Variants in ZMYND11 observed in about 807,000 individuals in gnomAD.
ZMYND11 encodes zinc finger MYND-type containing 11, also known as zinc finger MYND domain-containing protein 11.
ZMYND11 carries 9 observed loss-of-function variants against 84.9 expected under a neutral mutation model. That is an observed-to-expected ratio of 0.11 (90% CI 0.06 to 0.18). The LOEUF is 0.18. ZMYND11 is among the 10% of genes least tolerant of loss of function. The pLI, the probability that ZMYND11 is intolerant of heterozygous loss-of-function variation, is 1.00. For missense variants in ZMYND11, 409 were observed against 761.0 expected, an observed-to-expected ratio of 0.54 and a Z score of 5.44; for synonymous variants, 250 against 244.1, an observed-to-expected ratio of 1.02 and a Z score of -0.23.
intron 2 of ZMYND11, among the ~76,000 whole-genome samples, chr10:193,964 C>T (rs1941102757): frequency 6.6e-6 from 1 of 152,004 alleles, no homozygotes; most frequent in Non-Finnish European, 1.5e-5. Flanking sequence ...ATTCATTAAT[C>T]TACTGGAGGG....
At chr10:185,828 A>AC (rs1457729930) in intron 2 of ZMYND11, among the ~76,000 whole-genome samples, 1 of 149,100 alleles carries the variant, frequency 6.7e-6, no homozygotes, top group African/African-American at 2.5e-5. Context: ...AAACAAAAAA[A>AC]CAAAAAAACA....
Position 248,582 on chromosome 10 carries a change from C to T in ZMYND11, c.1474C>T (p.Arg492Cys), listed in dbSNP as rs764387198. Residue 492 changes from arginine (R) to cysteine (C), a missense_variant, in exon 13 of 15, where the codon CGT becomes TGT. By Grantham distance (180) the Arg-to-Cys change is radical. Transcript: ENST00000381604. ...GTCGGACCACAAGCGGGAGACAGAG[C>T]GTGTTGTCCGAGAAGCTCTGGAGAA... is the stretch of plus-strand genomic sequence containing the variant. ...MKSDHKRETE[R>C]VVREALEKLR... is the part of the protein sequence containing the mutation. 1.4e-5 allele frequency: 23 copies of T among 1,610,782 alleles called. No individual in the cohort carries two copies. In the Admixed American group the frequency reaches 3.0e-4, roughly 21 times the overall value.
chr10:238,558 G>A (rs908245676), intron 6 of ZMYND11, among the ~76,000 whole-genome samples: 8 of 151,900 alleles, frequency 5.3e-5, no homozygotes, highest in African/African-American at 1.5e-4. Flanking sequence ...GGGTTTCACC[G>A]TTTTAGCCAG....
intron 14 of ZMYND11, chr10:249,545 T>G (rs1952902889): frequency 1.0e-6 from 1 of 984,910 alleles, no homozygotes; most frequent in Non-Finnish European, 1.2e-6. Context: ...TACTTTTACT[T>G]TATAGTAGTG....
At chr10:172,267 TAAAC>T (rs1460954601) in intron 1 of ZMYND11, among the ~76,000 whole-genome samples, 2 of 151,970 alleles carry the variant, frequency 1.3e-5, no homozygotes, top group African/African-American at 4.8e-5. Context: ...AATAAGATAA[TAAAC>T]AGAAATAAGA....
intron 3 of ZMYND11, among the ~76,000 whole-genome samples, chr10:217,772 C>G (rs527767183): frequency 6.6e-6 from 1 of 152,242 alleles, no homozygotes; most frequent in African/African-American, 2.4e-5. Context: ...TGCGTACTAT[C>G]ATTTTGTTCA....
intron 1 of ZMYND11, among the ~76,000 whole-genome samples, chr10:153,880 C>T (rs543822179): frequency 1.3e-5 from 2 of 152,326 alleles, no homozygotes; most frequent in Admixed American, 6.5e-5. Flanking sequence ...ATTTCTTTTG[C>T]AGCCTCCTGA....
intron 8 of ZMYND11, 91 bp downstream of exon 8, chr10:240,202 ATTT>A (rs1950638222): frequency 8.5e-7 from 1 of 1,170,096 alleles, no homozygotes; most frequent in Non-Finnish European, 1.2e-6. Context: ...TAGTTGTGCC[ATTT>A]CCTTTAAATG....
intron 2 of ZMYND11, among the ~76,000 whole-genome samples, chr10:184,922 T>G (rs1416646316): frequency 6.6e-6 from 1 of 152,220 alleles, no homozygotes; most frequent in Non-Finnish European, 1.5e-5. Flanking sequence ...GAATCACCTT[T>G]TCTTATACTT....
chr10:211,308 AGATT>A (rs1288780264), intron 3 of ZMYND11, among the ~76,000 whole-genome samples: 1 of 152,110 alleles, frequency 6.6e-6, no homozygotes, highest in East Asian at 1.9e-4. Context: ...CTCTTTCTAT[AGATT>A]GAGTTTGTGA....
At chr10:225,608 A>AAAGTGCTGGGATT (rs1319038190) in intron 4 of ZMYND11, among the ~76,000 whole-genome samples, 1 of 152,172 alleles carries the variant, frequency 6.6e-6, no homozygotes, top group Non-Finnish European at 1.5e-5. Flanking sequence ...TTGGCCTCCC[A>AAAGTGCTGGGATT]AAGTGCTGGG....
chr10:239,055 C>T (rs1166779138), intron 6 of ZMYND11, among the ~76,000 whole-genome samples: 1 of 152,218 alleles, frequency 6.6e-6, no homozygotes, highest in African/African-American at 2.4e-5. Context: ...TCTCGATCCT[C>T]CTGTGTTGTA....
intron 1 of ZMYND11, among the ~76,000 whole-genome samples, chr10:152,416 C>T (rs1012328449): frequency 6.6e-5 from 10 of 152,118 alleles, no homozygotes; most frequent in Admixed American, 4.6e-4. Flanking sequence ...GGTTGCAATC[C>T]TAGTCTCTGA....
chr10:137,718 A>G (rs1239321625), intron 1 of ZMYND11, among the ~76,000 whole-genome samples: 2 of 152,172 alleles, frequency 1.3e-5, no homozygotes, highest in Non-Finnish European at 2.9e-5. Flanking sequence ...CTGTAGAGGC[A>G]TTTAATTTGC....
At chr10:166,199 T>G (rs987295054) in intron 1 of ZMYND11, among the ~76,000 whole-genome samples, 3 of 152,190 alleles carry the variant, frequency 2.0e-5, no homozygotes, top group African/African-American at 7.2e-5. Flanking sequence ...AATGGATTCT[T>G]AGGTATGATA....
intron 4 of ZMYND11, among the ~76,000 whole-genome samples, chr10:226,344 AG>A (rs1948128875): frequency 6.6e-6 from 1 of 152,186 alleles, no homozygotes; most frequent in Non-Finnish European, 1.5e-5. Context: ...TCAGCAGAAT[AG>A]CTTTTTAAAA....
chr10:239,908 AATTTT>A (rs1950591062), intron 7 of ZMYND11, 143 bp from the exon 8 acceptor site: 1 of 606,528 alleles, frequency 1.6e-6, no homozygotes, highest in Non-Finnish European at 2.8e-6. Flanking sequence ...CTGCCTGTGT[AATTTT>A]ATTTTGCTAT....
intron 2 of ZMYND11, among the ~76,000 whole-genome samples, chr10:191,753 C>T (rs923859220): frequency 2.0e-5 from 3 of 152,178 alleles, no homozygotes; most frequent in South Asian, 4.1e-4. Context: ...TACCCGAATT[C>T]AAATCAGATA....
intron 2 of ZMYND11, among the ~76,000 whole-genome samples, chr10:197,039 G>A (rs1205512662): frequency 6.7e-6 from 1 of 149,862 alleles, no homozygotes; most frequent in Non-Finnish European, 1.5e-5. Context: ...TTTAGTTCAC[G>A]TGTGTGCCCA....
Sources: gnomAD v4.1 joint callset for allele counts (sites outside exome capture counted in the v4.1 genomes callset) on GRCh38, gnomAD v4.1.1 for gene constraint, MANE v1.5 for transcripts, NCBI Gene and HGNC (gene_info 2026-07-23, HGNC 2026-07-21) for gene names.